SLC25A53: variants seen among roughly 807,000 people sequenced by gnomAD.
SLC25A53 encodes solute carrier family 25 member 53, also known as mitochondrial carrier triple repeat protein 6.
SLC25A53 carries 5 observed loss-of-function variants against 15.0 expected under a neutral mutation model. The observed-to-expected ratio is 0.33, with a 90% CI of 0.17 to 0.70. The LOEUF is 0.70. SLC25A53 is among the 30% of genes least tolerant of loss of function. The pLI is 0.67. For synonymous variants in SLC25A53, 95 were observed against 100.0 expected (o/e 0.95, Z 0.30); for missense variants, 216 against 241.6 (o/e 0.89, Z 0.70).
At position 104,104,403 on chromosome X, in the gene SLC25A53, G is replaced by A; in HGVS notation, c.855C>T (p.Gly285=). Residue 285 remains glycine (G), a synonymous_variant, in exon 2 of 2, where the codon GGC becomes GGT. Coordinates refer to ENST00000594199, the MANE Select transcript of SLC25A53 (RefSeq NM_001012755.5). ...GGAAGTCATGGATTGCCGTAGTGAG[G>A]CCCCATGTCACACTGGACCTTAGGA... ...LVILRSSVTW[G]LTTAIHDFLQ... 1 of 1,211,452 alleles carries A rather than the reference G, an allele frequency of 8.3e-7. No homozygotes were observed. The highest frequency in any genetic ancestry group is 1.1e-6 in the Non-Finnish European group (1 of 895,221).
At position 104,114,069 on chromosome X, in the gene SLC25A53, C is replaced by T. The variant is rs782207053; in HGVS notation, c.-31-8781G>A. On this transcript the variant is annotated intron_variant, in intron 1 of 1. Coordinates refer to ENST00000594199, the MANE Select transcript of SLC25A53 (RefSeq NM_001012755.5). ...CTGCAGATAAGGCTTTTCCAAAAAGCGCGAGCATCTTGTTGTATTCAGATA... is the reference window on the plus strand; with the variant it reads ...CTGCAGATAAGGCTTTTCCAAAAAGTGCGAGCATCTTGTTGTATTCAGATA... 15 of 1,207,869 alleles carry T rather than the reference C, an allele frequency of 1.2e-5. No individual in the cohort carries two copies. In the East Asian group the frequency reaches 4.4e-4, roughly 36 times the overall value.
At chrX:104,126,521 G>A (rs1207689462) in intron 1 of SLC25A53, among the ~76,000 whole-genome samples, 1 of 110,599 alleles carries the variant, frequency 9.0e-6, no homozygotes, top group Non-Finnish European at 1.9e-5. Context: ...AGGTATGGTG[G>A]TGCACATCTG....
intron 1 of SLC25A53, chrX:104,115,112 C>T: frequency 2.5e-6 from 3 of 1,202,984 alleles, no homozygotes; most frequent in Non-Finnish European, 1.1e-6. Context: ...AATGATGGTC[C>T]TGGGAATATT....
rs1248024054 is a variant in SLC25A53 at position 104,104,912 on chromosome X, G to A, written c.346C>T (p.His116Tyr). ...GACATGAGCCCGGCAGCCCAGCGGT[G>A]TCCCAGGGTGTGTGGCCCAACAGGA... is the stretch of plus-strand genomic sequence containing the variant. Reference protein sequence around the residue: ...LSPVGPHTLGHRWAAGLMSGV... With the variant: ...LSPVGPHTLGYRWAAGLMSGV... The change falls in exon 2 of 2, where the codon CAC becomes TAC. Residue 116 changes from histidine (H) to tyrosine (Y), a missense_variant. By Grantham distance (83) the His-to-Tyr change is moderately conservative. Transcript: ENST00000594199. The A allele has an allele frequency of 2.5e-6, 3 of 1,209,935 alleles. No homozygotes were observed. Among genetic ancestry groups the A allele is most frequent in the Non-Finnish European group, 3.4e-6 (3 of 895,309 alleles).
intron 1 of SLC25A53, among the ~76,000 whole-genome samples, chrX:104,124,829 A>C (rs2075405404): frequency 9.8e-6 from 1 of 102,373 alleles, no homozygotes; most frequent in Non-Finnish European, 2.0e-5. Flanking sequence ...AAAAAGAAAT[A>C]ACTTTTTTCC....
intron 1 of SLC25A53, among the ~76,000 whole-genome samples, chrX:104,146,494 T>C (rs2075467294): frequency 9.0e-6 from 1 of 111,262 alleles, no homozygotes; most frequent in Admixed American, 9.6e-5. Context: ...GGTATTCAGT[T>C]AGGAAAAGAG....
At chrX:104,136,274 T>A in intron 1 of SLC25A53, among the ~76,000 whole-genome samples, 1 of 111,210 alleles carries the variant, frequency 9.0e-6, no homozygotes, top group African/African-American at 3.3e-5. Flanking sequence ...GCTTCTCCCC[T>A]CACCCCTTTA....
In SLC25A53 at chrX:104,104,319, C is replaced by T. The variant is rs1556354363; in HGVS notation, c.*15G>A. On this transcript the variant is annotated 3_prime_UTR_variant, in exon 2 of 2. Transcript: ENST00000594199. ...GATTTAGAATAACAAAGCTGCCATGCCACACTTTCTGCAGCTAGTCAGTCT... is the reference window on the plus strand; with the variant it reads ...GATTTAGAATAACAAAGCTGCCATGTCACACTTTCTGCAGCTAGTCAGTCT... 2.5e-6 allele frequency: 3 copies of T among 1,199,528 alleles called. No homozygotes were observed. The highest frequency in any genetic ancestry group is 3.4e-6 in the Non-Finnish European group (3 of 886,990).
chrX:104,108,835 A>G (rs2075324876), intron 1 of SLC25A53, among the ~76,000 whole-genome samples: 2 of 111,855 alleles, frequency 1.8e-5, no homozygotes, highest in Non-Finnish European at 3.8e-5. Flanking sequence ...GCTCACAAAC[A>G]TGTATTGATC....
intron 1 of SLC25A53, chrX:104,115,199 A>G: frequency 8.3e-7 from 1 of 1,209,582 alleles, no homozygotes; most frequent in East Asian, 3.0e-5. Flanking sequence ...GAAACCTGTG[A>G]CAATGAGAGC....
At chrX:104,129,904 AATG>A (rs2075421400) in intron 1 of SLC25A53, among the ~76,000 whole-genome samples, 2 of 98,636 alleles carry the variant, frequency 2.0e-5, no homozygotes, top group Non-Finnish European at 4.2e-5. Flanking sequence ...GTGCCATTCA[AATG>A]ATGAGCAGAC....
chrX:104,112,138 GA>G (rs2075348812), intron 1 of SLC25A53: 1 of 112,503 alleles, frequency 8.9e-6, no homozygotes, highest in Non-Finnish European at 1.9e-5. Context: ...TCTGCACACA[GA>G]AAGCACTCAG....
chrX:104,139,032 C>T (rs782023328), intron 1 of SLC25A53, among the ~76,000 whole-genome samples: 1 of 112,675 alleles, frequency 8.9e-6, no homozygotes, highest in South Asian at 3.6e-4. Flanking sequence ...CCTGTCCTCA[C>T]CCAGGTCCAT....
In SLC25A53 at chrX:104,155,411, G is replaced by T. The variant is rs144271756; in HGVS notation, c.-32+1467C>A. On this transcript the variant is annotated intron_variant, in intron 1 of 1. Coordinates refer to ENST00000594199, the MANE Select transcript of SLC25A53 (RefSeq NM_001012755.5). ...GGGTCCACTCCTGACCAACTGTAGG[G>T]GCAACTCTGTGGATGGGACCTAGCA... Among the ~76,000 whole-genome samples the T allele has an allele frequency of 6.6e-4, 73 of 111,178 alleles. No individual in the cohort carries two copies. The East Asian group carries it at 0.011, about 17-fold the overall frequency.
chrX:104,128,094 G>A (rs2075415960), intron 1 of SLC25A53, among the ~76,000 whole-genome samples: 1 of 112,170 alleles, frequency 8.9e-6, no homozygotes, highest in South Asian at 3.7e-4. Context: ...AGCTGGGGTA[G>A]TTTAAAAATT....
intron 1 of SLC25A53, among the ~76,000 whole-genome samples, chrX:104,110,572 G>A (rs1556357975): frequency 8.9e-6 from 1 of 112,216 alleles, no homozygotes; most frequent in Non-Finnish European, 1.9e-5. Context: ...CTAAACATCA[G>A]GAGTCAAGAA....
chrX:104,105,720 G>A (rs1371822863), intron 1 of SLC25A53, among the ~76,000 whole-genome samples: 1 of 112,197 alleles, frequency 8.9e-6, no homozygotes, highest in Non-Finnish European at 1.9e-5. Context: ...TTTAACAGTT[G>A]AAGTGCAATG....
chrX:104,125,574 C>A (rs907068166), intron 1 of SLC25A53, among the ~76,000 whole-genome samples: 3 of 112,175 alleles, frequency 2.7e-5, no homozygotes, highest in East Asian at 5.6e-4. Flanking sequence ...CTCACAACAA[C>A]CCCTTGGAAG....
intron 1 of SLC25A53, among the ~76,000 whole-genome samples, chrX:104,128,175 T>G (rs149854129): frequency 0.019 from 2,117 of 111,513 alleles, 30 homozygotes; most frequent in Non-Finnish European, 0.031. Context: ...GTAAAAAGCA[T>G]TATTATGTTT....
Sources: gnomAD v4.1 joint callset for allele counts (sites outside exome capture counted in the v4.1 genomes callset) on GRCh38, gnomAD v4.1.1 for gene constraint, MANE v1.5 for transcripts, NCBI Gene and HGNC (gene_info 2026-07-23, HGNC 2026-07-21) for gene names.